Variants in NTRK3 observed in about 807,000 individuals in gnomAD.
NTRK3 encodes neurotrophic receptor tyrosine kinase 3.
NTRK3 carries 24 observed loss-of-function variants against 91.7 expected under a neutral mutation model. The ratio of observed to expected loss-of-function variants is 0.26; its 90% confidence interval spans 0.19 to 0.37. The LOEUF (loss-of-function observed/expected upper bound fraction) is 0.37, where lower values mean the gene tolerates loss of function less well. Ranked by LOEUF, NTRK3 falls within the 10% of genes least tolerant of loss-of-function variation. The pLI is 1.00. For synonymous variants in NTRK3, 483 were observed against 404.0 expected (o/e 1.20, Z -2.34); for missense variants, 880 against 1,068.9 (o/e 0.82, Z 2.46).
At chr15:87,860,834 T>C (rs1164000832) in exon 19 of NTRK3, 1 of 216,470 alleles carries the variant, frequency 4.6e-6, no homozygotes, top group Non-Finnish European at 9.3e-6. Context: ...TATTTCTAAG[T>C]CATAAAATAC....
intron 17 of NTRK3, among the ~76,000 whole-genome samples, chr15:87,904,282 C>T (rs1484480272): frequency 1.3e-5 from 2 of 151,962 alleles, no homozygotes; most frequent in Non-Finnish European, 2.9e-5. Flanking sequence ...TCCCAAGTAG[C>T]TGGGATTACA....
chr15:88,076,263 C>T (rs1319804500), intron 13 of NTRK3, among the ~76,000 whole-genome samples: 7 of 152,158 alleles, frequency 4.6e-5, no homozygotes, highest in Admixed American at 4.6e-4. Context: ...TCTCATGAGA[C>T]TTATTCACTA....
At chr15:88,192,317 G>C (rs1279817830) in intron 3 of NTRK3, among the ~76,000 whole-genome samples, 3 of 152,244 alleles carry the variant, frequency 2.0e-5, no homozygotes, top group African/African-American at 7.2e-5. Flanking sequence ...GGGGAGTCCA[G>C]GCCATTGTGG....
At chr15:88,197,285 C>T (rs2047922933) in intron 3 of NTRK3, among the ~76,000 whole-genome samples, 1 of 152,072 alleles carries the variant, frequency 6.6e-6, no homozygotes. Context: ...TTGCAAGTAA[C>T]TTCCCTTGTC....
chr15:88,114,218 G>A (rs759071038), intron 13 of NTRK3, among the ~76,000 whole-genome samples: 3 of 152,162 alleles, frequency 2.0e-5, no homozygotes, highest in Non-Finnish European at 4.4e-5. Context: ...CAGCTCCCCT[G>A]TCCTCATGGG....
chr15:88,002,690 CA>C (rs561471888), intron 14 of NTRK3, among the ~76,000 whole-genome samples: 1,829 of 85,614 alleles, frequency 0.021, 35 homozygotes, highest in East Asian at 0.048. Flanking sequence ...AGAAGCTATG[CA>C]AAAAAAAAAA....
intron 13 of NTRK3, among the ~76,000 whole-genome samples, chr15:88,097,721 T>C (rs2049765383): frequency 1.3e-5 from 2 of 152,194 alleles, no homozygotes; most frequent in Non-Finnish European, 2.9e-5. Context: ...TTAAAAACGA[T>C]GGTTATAATG....
chr15:88,100,916 GA>G (rs1187546685), intron 13 of NTRK3, among the ~76,000 whole-genome samples: 1 of 152,024 alleles, frequency 6.6e-6, no homozygotes, highest in African/African-American at 2.4e-5. Context: ...TAAAACCCTA[GA>G]AAAAAACCTA....
At chr15:88,142,488 C>A (rs1002900264) in intron 6 of NTRK3, among the ~76,000 whole-genome samples, 1 of 152,242 alleles carries the variant, frequency 6.6e-6, no homozygotes, top group African/African-American at 2.4e-5. Context: ...TTAGAAAACA[C>A]TGATTCCCTC....
chr15:88,084,010 A>G (rs1180536313), intron 13 of NTRK3, among the ~76,000 whole-genome samples: 2 of 151,838 alleles, frequency 1.3e-5, no homozygotes, highest in African/African-American at 2.4e-5. Context: ...GGAAAATTTA[A>G]TCCATATGTC....
intron 14 of NTRK3, among the ~76,000 whole-genome samples, chr15:88,016,039 T>C (rs1032875466): frequency 1.1e-4 from 17 of 152,008 alleles, no homozygotes; most frequent in African/African-American, 3.6e-4. Context: ...TACATGTCCA[T>C]GTTGATGTGT....
intron 16 of NTRK3, 118 bp downstream of exon 16, chr15:87,932,894 A>G: frequency 9.7e-7 from 1 of 1,036,256 alleles, no homozygotes; most frequent in African/African-American, 1.6e-5. Flanking sequence ...TGTTCATCTA[A>G]TTTCTCATCC....
At chr15:88,201,236 G>C (rs898463375) in intron 3 of NTRK3, among the ~76,000 whole-genome samples, 2 of 152,146 alleles carry the variant, frequency 1.3e-5, no homozygotes, top group Admixed American at 6.5e-5. Flanking sequence ...CCCAGCAGCT[G>C]GTTAGTTTCC....
At chr15:88,186,025 T>A (rs1353756738) in intron 3 of NTRK3, among the ~76,000 whole-genome samples, 1 of 152,156 alleles carries the variant, frequency 6.6e-6, no homozygotes, top group African/African-American at 2.4e-5. Flanking sequence ...GTTTGGGTGG[T>A]CTGGTCTCAC....
chr15:87,996,353 C>A (rs1056397255), intron 14 of NTRK3, among the ~76,000 whole-genome samples: 2 of 152,050 alleles, frequency 1.3e-5, no homozygotes, highest in Non-Finnish European at 2.9e-5. Context: ...CTGGGTTAAA[C>A]GGTGACAGTA....
In NTRK3 at chr15:87,913,351, T is replaced by G. The variant is rs557187135; in HGVS notation, c.2133+15840A>C. 5.3e-5 allele frequency among the ~76,000 whole-genome samples: 8 copies of G among 152,228 alleles called. No individual in the cohort carries two copies. The South Asian group carries it at 1.7e-3, about 32-fold the overall frequency. On this transcript the variant is annotated intron_variant, in intron 17 of 18. Coordinates refer to ENST00000394480, the Ensembl canonical transcript of NTRK3. ...TATGTCACATTAGAATCCCTCCACTTGTGTGAATCCAAGGTTAGAGCATGC... is the reference window on the plus strand; with the variant it reads ...TATGTCACATTAGAATCCCTCCACTGGTGTGAATCCAAGGTTAGAGCATGC...
chr15:88,129,385 T>C (rs1471695865), intron 10 of NTRK3, among the ~76,000 whole-genome samples: 2 of 152,186 alleles, frequency 1.3e-5, no homozygotes, highest in Admixed American at 6.5e-5. Flanking sequence ...TTCTAAGAGG[T>C]GGTAGCATTA....
At chr15:88,041,903 T>C (rs2079663554) in intron 13 of NTRK3, among the ~76,000 whole-genome samples, 1 of 148,024 alleles carries the variant, frequency 6.8e-6, no homozygotes, top group Admixed American at 6.7e-5. Context: ...CTCCCCACTC[T>C]CTGTCCCAAA....
intron 13 of NTRK3, among the ~76,000 whole-genome samples, chr15:88,108,449 G>C (rs150720751): frequency 1.4e-4 from 22 of 152,242 alleles, no homozygotes; most frequent in African/African-American, 3.9e-4. Flanking sequence ...TATATGCAAT[G>C]GGTGCTCCTG....
Sources: allele counts gnomAD v4.1 joint callset (sites outside exome capture counted in the v4.1 genomes callset), GRCh38; gene constraint gnomAD v4.1.1; transcripts MANE v1.5; gene names NCBI Gene and HGNC (gene_info 2026-07-23, HGNC 2026-07-21).